GLIS1: variants seen among roughly 807,000 people sequenced by gnomAD.
The protein encoded by GLIS1 is GLIS family zinc finger 1, also known as zinc finger protein GLIS1.
GLIS1 carries 24 observed loss-of-function variants against 63.8 expected under a neutral mutation model. That is an observed-to-expected ratio of 0.38 (90% CI 0.27 to 0.53). GLIS1 has a LOEUF of 0.53. Among genes scored for constraint, GLIS1 ranks in the 20% least tolerant of loss-of-function variants. The pLI, the probability that GLIS1 is intolerant of heterozygous loss-of-function variation, is 0.85. For synonymous variants in GLIS1, 450 were observed against 482.5 expected (o/e 0.93, Z 0.88); for missense variants, 1,036 against 1,074.1 (o/e 0.96, Z 0.50).
chr1:53,678,394 C>A (rs1175001698), intron 2 of GLIS1, among the ~76,000 whole-genome samples: 3 of 151,734 alleles, frequency 2.0e-5, no homozygotes, highest in Non-Finnish European at 4.4e-5. Context: ...AGCTGTTCAA[C>A]CTCCACACAG....
At position 53,562,555 on chromosome 1, in the gene GLIS1, T is replaced by G. The variant is rs577596127; in HGVS notation, c.1320+31553A>C. On this transcript the variant is annotated intron_variant, in intron 4 of 10. Transcript: ENST00000628545. ...TCACCTCGCAAGAGCCTGTCAGAGC[T>G]GCAACCCCACCCTCTCAGCTGAGTC... Among the ~76,000 whole-genome samples, 4 of 152,252 alleles carry G rather than the reference T, an allele frequency of 2.6e-5. No homozygotes were observed. In the East Asian group the frequency reaches 7.7e-4, roughly 29 times the overall value.
intron 4 of GLIS1, among the ~76,000 whole-genome samples, chr1:53,540,919 CCT>C (rs1644637286): frequency 6.6e-6 from 1 of 152,230 alleles, no homozygotes; most frequent in Non-Finnish European, 1.5e-5. Context: ...GGCAAAGCTC[CCT>C]GTCTTGAGTG....
At chr1:53,689,148 T>G (rs1237811549) in intron 2 of GLIS1, among the ~76,000 whole-genome samples, 3 of 152,194 alleles carry the variant, frequency 2.0e-5, no homozygotes, top group Non-Finnish European at 4.4e-5. Flanking sequence ...AAAGGTACAG[T>G]TGGTCCATGC....
intron 4 of GLIS1, among the ~76,000 whole-genome samples, chr1:53,551,666 TC>T (rs55786084): frequency 1 from 152,156 of 152,156 alleles, 76,078 homozygotes; most frequent in Non-Finnish European, 1. Context: ...TGGCAGTCCC[TC>T]CCCGGTGAGG....
intron 2 of GLIS1, among the ~76,000 whole-genome samples, chr1:53,636,005 T>C (rs1645718634): frequency 6.6e-6 from 1 of 152,238 alleles, no homozygotes; most frequent in Non-Finnish European, 1.5e-5. Flanking sequence ...CAGTAATTGC[T>C]ATCCAACATT....
chr1:53,736,642 C>T (rs754245089), intron 2 of GLIS1, among the ~76,000 whole-genome samples: 1 of 152,158 alleles, frequency 6.6e-6, no homozygotes, highest in African/African-American at 2.4e-5. Flanking sequence ...TTATCTCTAT[C>T]CCTTGAAAAA....
intron 4 of GLIS1, among the ~76,000 whole-genome samples, chr1:53,532,576 CCACCTCCCT>C (rs1375688591): frequency 6.6e-6 from 1 of 152,244 alleles, no homozygotes; most frequent in Non-Finnish European, 1.5e-5. Flanking sequence ...AGGCTGCAAG[CCACCTCCCT>C]TGCTCGCCTG....
Position 53,506,546 on chromosome 1 carries a change from A to G in GLIS1, c.*73T>C. The G allele has an allele frequency of 6.7e-7, 1 of 1,492,790 alleles. No homozygotes were observed. The highest frequency in any genetic ancestry group is 9.2e-7 in the Non-Finnish European group (1 of 1,082,390). 92.5% of individuals were successfully genotyped at this position (1,492,790 alleles called of 1,614,324 possible). A position where few individuals can be genotyped will look rare whatever the true frequency, so the allele number is the denominator to read the frequency against. ...CCTGGCACTCCTGCTAGGTGCACGG[A>G]GGGTGGGAGCGACAGCAGGTGGGCG... On this transcript the variant is annotated 3_prime_UTR_variant, in exon 11 of 11. Transcript: ENST00000628545.
At chr1:53,614,347 G>A (rs1474781648) in intron 2 of GLIS1, among the ~76,000 whole-genome samples, 1 of 152,178 alleles carries the variant, frequency 6.6e-6, no homozygotes, top group Non-Finnish European at 1.5e-5. Context: ...CATTTGAACA[G>A]AGGCCTGAGG....
At chr1:53,558,812 C>T (rs1371625138) in intron 4 of GLIS1, among the ~76,000 whole-genome samples, 2 of 152,204 alleles carry the variant, frequency 1.3e-5, no homozygotes, top group Admixed American at 6.5e-5. Flanking sequence ...ATTCAGGCCC[C>T]GACACGTGTT....
At chr1:53,703,614 G>A (rs1646546812) in intron 2 of GLIS1, among the ~76,000 whole-genome samples, 1 of 147,036 alleles carries the variant, frequency 6.8e-6, no homozygotes, top group South Asian at 2.2e-4. Flanking sequence ...ACTCCAGCCA[G>A]GATGACAGAG....
intron 2 of GLIS1, among the ~76,000 whole-genome samples, chr1:53,730,085 A>G (rs1646844615): frequency 6.6e-6 from 1 of 152,160 alleles, no homozygotes; most frequent in Non-Finnish European, 1.5e-5. Flanking sequence ...GAGACTGCTG[A>G]AGCTACTTAA....
intron 2 of GLIS1, among the ~76,000 whole-genome samples, chr1:53,655,029 G>A (rs1645949608): frequency 6.6e-6 from 1 of 152,216 alleles, no homozygotes; most frequent in African/African-American, 2.4e-5. Context: ...GAGGAGCTAT[G>A]TCTTGGAGCA....
intron 2 of GLIS1, among the ~76,000 whole-genome samples, chr1:53,735,088 C>A (rs1205219132): frequency 6.6e-6 from 1 of 152,214 alleles, no homozygotes; most frequent in Non-Finnish European, 1.5e-5. Flanking sequence ...TAGGGACTGT[C>A]TGAGGCAGGC....
intron 2 of GLIS1, among the ~76,000 whole-genome samples, chr1:53,643,442 T>G (rs1209927042): frequency 6.6e-6 from 1 of 152,162 alleles, no homozygotes; most frequent in East Asian, 1.9e-4. Flanking sequence ...CCTAGAGACC[T>G]GGTTCTAGTT....
intron 2 of GLIS1, among the ~76,000 whole-genome samples, chr1:53,737,002 G>A (rs1457820817): frequency 6.6e-6 from 1 of 152,046 alleles, no homozygotes; most frequent in Non-Finnish European, 1.5e-5. Flanking sequence ...GGGGGAGGAC[G>A]AGGACACAGC....
At position 53,526,552 on chromosome 1, in the gene GLIS1, C is replaced by CAA; in HGVS notation, c.1483-1667_1483-1666dup. On this transcript the variant is annotated intron_variant, in intron 5 of 10. Transcript: ENST00000628545. The surrounding 1 kb of genome is among the most constrained non-coding windows in gnomAD (Gnocchi z 4.4). Reference sequence around the variant, plus strand: ...ACACACACACACACACACACACACACAAAACCACCACCACCACACACACAC... The same window carrying CAA: ...ACACACACACACACACACACACACACAAAAAACCACCACCACCACACACACAC... 6.6e-6 allele frequency among the ~76,000 whole-genome samples: 1 copy of CAA among 150,670 alleles called. No individual in the cohort carries two copies.
intron 2 of GLIS1, among the ~76,000 whole-genome samples, chr1:53,671,820 T>C (rs1049278858): frequency 6.6e-6 from 1 of 152,202 alleles, no homozygotes; most frequent in Non-Finnish European, 1.5e-5. Context: ...GAAGGTGAAA[T>C]GGTTTGCTTA....
intron 4 of GLIS1, among the ~76,000 whole-genome samples, chr1:53,562,661 T>C (rs1181044737): frequency 6.6e-6 from 1 of 152,118 alleles, no homozygotes; most frequent in Non-Finnish European, 1.5e-5. Context: ...CCTCCAGATA[T>C]TCTCATTTCA....
Sources: allele counts gnomAD v4.1 joint callset (sites outside exome capture counted in the v4.1 genomes callset), GRCh38; gene constraint gnomAD v4.1.1; non-coding constraint Gnocchi (gnomAD v3.1); transcripts MANE v1.5; gene names NCBI Gene and HGNC (gene_info 2026-07-23, HGNC 2026-07-21).